The following RYR2 variants were observed in gnomAD, a reference collection of about 807,000 sequenced individuals.
RYR2 encodes the protein cardiac muscle ryanodine receptor-calcium release channel.
A neutral mutation model predicts 601.1 loss-of-function variants in RYR2; 227 were observed. The ratio of observed to expected loss-of-function variants is 0.38; its 90% CI spans 0.34 to 0.42. The LOEUF (loss-of-function observed/expected upper bound fraction) is 0.42, where lower values mean the gene tolerates loss of function less well. RYR2 is among the 10% of genes least tolerant of loss of function. The pLI is 1.00. For synonymous variants in RYR2, 2,223 were observed against 2,175.1 expected (o/e 1.02, Z -0.61); for missense variants, 4,646 against 6,156.5 (o/e 0.75, Z 8.21).
intron 54 of RYR2, among the ~76,000 whole-genome samples, chr1:237,659,756 G>T (rs925882133): frequency 1.4e-4 from 21 of 152,198 alleles, no homozygotes; most frequent in African/African-American, 4.8e-4. Flanking sequence ...CATGCAATAT[G>T]TCCATGTAAC....
intron 1 of RYR2, among the ~76,000 whole-genome samples, chr1:237,205,092 C>T (rs1433762337): frequency 6.6e-6 from 1 of 152,188 alleles, no homozygotes; most frequent in African/African-American, 2.4e-5. Context: ...TAGGGGCTGA[C>T]ATGAGCTCCC....
At chr1:237,232,345 G>A (rs1222875695) in intron 1 of RYR2, among the ~76,000 whole-genome samples, 7 of 152,060 alleles carry the variant, frequency 4.6e-5, no homozygotes, top group Non-Finnish European at 8.8e-5. Context: ...TCATGCCAAC[G>A]TAAGGAAGCC....
intron 2 of RYR2, among the ~76,000 whole-genome samples, chr1:237,302,481 T>C (rs549380189): frequency 1.3e-5 from 2 of 152,352 alleles, no homozygotes; most frequent in East Asian, 1.9e-4. Flanking sequence ...ATATTTACAA[T>C]GTCCATTCTT....
intron 44 of RYR2, 52 bp from the exon 45 acceptor site, chr1:237,638,305 C>T (rs1016251197): frequency 1.2e-6 from 2 of 1,611,120 alleles, no homozygotes; most frequent in Admixed American, 1.7e-5. Context: ...ATGTAAGCAT[C>T]TAATGAGTTT....
At chr1:237,553,055 A>G (rs1670562190) in intron 27 of RYR2, among the ~76,000 whole-genome samples, 1 of 151,998 alleles carries the variant, frequency 6.6e-6, no homozygotes, top group Admixed American at 6.6e-5. Flanking sequence ...CACTTTCTTA[A>G]TGAGGTCTTT....
chr1:237,336,491 C>T (rs553726968), intron 3 of RYR2, among the ~76,000 whole-genome samples: 4 of 152,158 alleles, frequency 2.6e-5, no homozygotes, highest in Non-Finnish European at 5.9e-5. Flanking sequence ...TAATTATTAA[C>T]AGAGGTATAG....
In RYR2 at chr1:237,741,555, A is replaced by G. The variant is rs181815060; in HGVS notation, c.11092-741A>G. On this transcript the variant is annotated intron_variant, in intron 79 of 104. Transcript: ENST00000366574. ...TATTATACTACAGACCATAATAATA[A>G]TAGCAGCTGAGATGTATTAAAAGCA... Among the ~76,000 whole-genome samples, 189 of 152,258 alleles carry G rather than the reference A, an allele frequency of 1.2e-3. 1 individual carries two copies. Among genetic ancestry groups the G allele is most frequent in the Middle Eastern group, 0.01 (3 of 294 alleles).
intron 2 of RYR2, among the ~76,000 whole-genome samples, chr1:237,310,095 T>C (rs978548121): frequency 5.3e-5 from 8 of 152,170 alleles, no homozygotes; most frequent in African/African-American, 1.9e-4. Context: ...TCCTAAAGCA[T>C]GGCCAGAGTG....
chr1:237,062,079 A>T (rs1662961031), intron 1 of RYR2, among the ~76,000 whole-genome samples: 1 of 152,044 alleles, frequency 6.6e-6, no homozygotes, highest in Non-Finnish European at 1.5e-5. Flanking sequence ...ACTCTCTTTT[A>T]TTTCATTGGT....
In RYR2 at chr1:237,757,762, T is replaced by C; in HGVS notation, c.11311T>C (p.Ser3771Pro). Residue 3771 changes from serine to proline, a missense_variant, in exon 82 of 105, where the codon TCC becomes CCC. Physicochemically the swap from Ser to Pro is moderately conservative, Grantham distance 74. Around this residue, in one of 17 missense-constraint regions of RYR2, gnomAD observed 1,497 missense variants for 1,842.6 expected, o/e 0.81. Transcript: ENST00000366574. ...AATTGCTATTTTAAATGGTGGGAAC[T>C]CCACAGTACAGCAGGTAACAGCTTC... The part of the protein sequence containing the change: ...LGIAILNGGN[S>P]TVQQKMLDYL... 1 of 1,606,368 alleles carries C rather than the reference T, an allele frequency of 6.2e-7. No homozygotes were observed. The highest frequency in any genetic ancestry group is 8.5e-7 in the Non-Finnish European group (1 of 1,173,084).
At chr1:237,729,839 T>C (rs1229364961) in intron 76 of RYR2, among the ~76,000 whole-genome samples, 1 of 152,188 alleles carries the variant, frequency 6.6e-6, no homozygotes, top group South Asian at 2.1e-4. Context: ...GGACAGAGAC[T>C]AAGTCCTCTA....
chr1:237,594,605 A>G (rs1013692145), intron 33 of RYR2, among the ~76,000 whole-genome samples: 13 of 152,144 alleles, frequency 8.5e-5, no homozygotes, highest in East Asian at 3.9e-4. Flanking sequence ...TTGTTGGAGG[A>G]AATGGAAGAT....
At chr1:237,275,892 C>A (rs986568330) in intron 2 of RYR2, among the ~76,000 whole-genome samples, 9 of 151,630 alleles carry the variant, frequency 5.9e-5, no homozygotes, top group African/African-American at 2.2e-4. Flanking sequence ...CAAAATCAGC[C>A]CCCTAAAAAA....
chr1:237,165,586 G>T (rs1676611006), intron 1 of RYR2, among the ~76,000 whole-genome samples: 1 of 152,138 alleles, frequency 6.6e-6, no homozygotes. Context: ...AAGTGAGGCT[G>T]GGCATGGTGG....
At chr1:237,632,539 C>T (rs1002554840) in intron 42 of RYR2, among the ~76,000 whole-genome samples, 30 of 151,924 alleles carry the variant, frequency 2.0e-4, no homozygotes, top group African/African-American at 3.4e-4. Flanking sequence ...GGACTACAGG[C>T]GCCCACCACC....
At chr1:237,352,874 G>T (rs975903251) in intron 3 of RYR2, 1 of 515,218 alleles carries the variant, frequency 1.9e-6, no homozygotes, top group Non-Finnish European at 3.9e-6. Context: ...ACAAGGGTGG[G>T]TGAGGAGACA....
At chr1:237,772,902 A>G (rs1389985397) in intron 86 of RYR2, among the ~76,000 whole-genome samples, 1 of 152,180 alleles carries the variant, frequency 6.6e-6, no homozygotes, top group African/African-American at 2.4e-5. Flanking sequence ...AGCTCAACTA[A>G]ATTGGATTAT....
chr1:237,526,969 A>G (rs1667654240), intron 24 of RYR2, among the ~76,000 whole-genome samples: 1 of 152,066 alleles, frequency 6.6e-6, no homozygotes, highest in Non-Finnish European at 1.5e-5. Flanking sequence ...ATCTTGAGTT[A>G]ATTTTTGTAC....
At chr1:237,667,791 G>A in intron 57 of RYR2, 92 bp from the exon 58 acceptor site, 2 of 909,252 alleles carry the variant, frequency 2.2e-6, no homozygotes, top group Non-Finnish European at 3.4e-6. Flanking sequence ...TACTGTATGA[G>A]TTATTCCTTT....
Sources: gnomAD v4.1 joint callset for allele counts (sites outside exome capture counted in the v4.1 genomes callset) on GRCh38, gnomAD v4.1.1 for gene constraint, gnomAD v4.1.1 regional missense constraint, MANE v1.5 for transcripts, NCBI Gene and HGNC (gene_info 2026-07-23, HGNC 2026-07-21) for gene names.